The following ZMAT4 variants were observed in gnomAD, a reference collection of about 807,000 sequenced individuals.
The protein encoded by ZMAT4 is zinc finger matrin-type protein 4.
A neutral mutation model predicts 28.7 loss-of-function variants in ZMAT4; 17 were observed. The ratio of observed to expected loss-of-function variants is 0.59; its 90% CI spans 0.41 to 0.89. The LOEUF (loss-of-function observed/expected upper bound fraction) is 0.89. ZMAT4 is among the 40% of genes least tolerant of loss of function. The pLI is 0.00. For missense variants in ZMAT4, 240 were observed against 283.8 expected, an observed-to-expected ratio of 0.85 and a Z score of 1.11; for synonymous variants, 117 against 109.2, an observed-to-expected ratio of 1.07 and a Z score of -0.44.
intron 6 of ZMAT4, among the ~76,000 whole-genome samples, chr8:40,565,533 C>G (rs149885156): frequency 6.6e-6 from 1 of 151,674 alleles, no homozygotes; most frequent in African/African-American, 2.4e-5. Flanking sequence ...TCCGCCACCA[C>G]GCCCAGCTAA....
intron 3 of ZMAT4, among the ~76,000 whole-genome samples, chr8:40,723,287 A>T (rs1216200235): frequency 1.3e-5 from 2 of 152,144 alleles, no homozygotes; most frequent in Non-Finnish European, 2.9e-5. Flanking sequence ...TCACGCCTGT[A>T]ATCCCAACAC....
chr8:40,767,117 T>C (rs565709636), intron 3 of ZMAT4, among the ~76,000 whole-genome samples: 1 of 152,290 alleles, frequency 6.6e-6, no homozygotes, highest in Non-Finnish European at 1.5e-5. Context: ...CAAAGCGACT[T>C]TATAATTGTC....
chr8:40,833,672 C>G (rs1220741487), intron 1 of ZMAT4, among the ~76,000 whole-genome samples: 2 of 152,074 alleles, frequency 1.3e-5, no homozygotes, highest in African/African-American at 2.4e-5. Context: ...ACCACCGGCT[C>G]CAGCACACAC....
chr8:40,703,667 C>CA (rs567818697), intron 3 of ZMAT4, among the ~76,000 whole-genome samples: 2 of 152,154 alleles, frequency 1.3e-5, no homozygotes, highest in African/African-American at 4.8e-5. Context: ...GTAGATCTGG[C>CA]AGTCACACGG....
rs79463365 is a variant in ZMAT4 at position 40,747,315 on chromosome 8, C to A, written c.192+20326G>T. On this transcript the variant is annotated intron_variant, in intron 3 of 6. Transcript: ENST00000297737. ...AGGAGGAAATAATGCAGGGAAGTTACATGACTCGCCCATGATCTCCCAGCC... is the reference window on the plus strand; with the variant it reads ...AGGAGGAAATAATGCAGGGAAGTTAAATGACTCGCCCATGATCTCCCAGCC... Among the ~76,000 whole-genome samples the A allele has an allele frequency of 1.7e-3, 256 of 152,238 alleles. 1 individual carries two copies. Among genetic ancestry groups the A allele is most frequent in the African/African-American group, 5.9e-3 (244 of 41,540 alleles).
At chr8:40,722,092 G>A (rs10093489) in intron 3 of ZMAT4, among the ~76,000 whole-genome samples, 41,693 of 150,856 alleles carry the variant, frequency 0.28, 6,708 homozygotes, top group East Asian at 0.55. Context: ...CCTAGGCATT[G>A]CCATTCAGGA....
intron 6 of ZMAT4, among the ~76,000 whole-genome samples, chr8:40,553,404 C>T (rs1242444475): frequency 6.6e-6 from 1 of 152,136 alleles, no homozygotes; most frequent in Non-Finnish European, 1.5e-5. Flanking sequence ...TTTTGAAGTT[C>T]ATTAAAAGTA....
intron 2 of ZMAT4, among the ~76,000 whole-genome samples, chr8:40,820,180 GT>G (rs1815699275): frequency 7.3e-5 from 11 of 151,670 alleles, no homozygotes; most frequent in African/African-American, 1.5e-4. Context: ...GTGTGTGTGT[GT>G]GTGTGGGCGG....
chr8:40,889,123 T>C (rs906856156), intron 1 of ZMAT4, among the ~76,000 whole-genome samples: 2 of 152,212 alleles, frequency 1.3e-5, no homozygotes, highest in East Asian at 1.9e-4. Flanking sequence ...ATATATGTGA[T>C]GCACCCCTTG....
At chr8:40,828,423 A>G (rs956457660) in intron 1 of ZMAT4, among the ~76,000 whole-genome samples, 2 of 152,164 alleles carry the variant, frequency 1.3e-5, no homozygotes, top group African/African-American at 2.4e-5. Context: ...TATACAACCA[A>G]CTGCAAAAAT....
intron 3 of ZMAT4, among the ~76,000 whole-genome samples, chr8:40,711,141 G>A (rs768114631): frequency 4.6e-5 from 7 of 152,092 alleles, no homozygotes; most frequent in Non-Finnish European, 8.8e-5. Flanking sequence ...CTAAAAACCT[G>A]TTTGTTCACC....
Position 40,740,992 on chromosome 8 carries a change from GCACACACA to G in ZMAT4, c.192+26641_192+26648del, listed in dbSNP as rs5891118. 3.2e-3 allele frequency among the ~76,000 whole-genome samples: 481 copies of G among 148,580 alleles called. 11 individuals are homozygous for G. The East Asian group carries it at 0.068, about 21-fold the overall frequency. ...AACAGCACTAACCTTTGATAAATGCGCACACACACACACACACACACACACACACGCAC... is the reference window on the plus strand; with the variant it reads ...AACAGCACTAACCTTTGATAAATGCGCACACACACACACACACACACGCAC... On this transcript the variant is annotated intron_variant, in intron 3 of 6. Coordinates refer to ENST00000297737, the MANE Select transcript of ZMAT4 (RefSeq NM_024645.3).
At chr8:40,841,816 C>A (rs1380503201) in intron 1 of ZMAT4, among the ~76,000 whole-genome samples, 1 of 152,188 alleles carries the variant, frequency 6.6e-6, no homozygotes, top group Non-Finnish European at 1.5e-5. Context: ...CCCAGTAGAA[C>A]TCCCTGTTTC....
chr8:40,753,878 A>G (rs1422944584), intron 3 of ZMAT4, among the ~76,000 whole-genome samples: 1 of 152,198 alleles, frequency 6.6e-6, no homozygotes, highest in Non-Finnish European at 1.5e-5. Context: ...AGTATTTAGC[A>G]TAGGGCCTGA....
chr8:40,832,699 T>A (rs559683503), intron 1 of ZMAT4, among the ~76,000 whole-genome samples: 1 of 152,330 alleles, frequency 6.6e-6, no homozygotes, highest in East Asian at 1.9e-4. Context: ...CCAATTAAGA[T>A]GAACTATGAC....
chr8:40,743,748 G>T (rs1225517799), intron 3 of ZMAT4, among the ~76,000 whole-genome samples: 1 of 152,172 alleles, frequency 6.6e-6, no homozygotes, highest in Non-Finnish European at 1.5e-5. Context: ...CACAGATCAT[G>T]GTGGTCATGG....
At chr8:40,684,507 C>G (rs557719162) in intron 4 of ZMAT4, among the ~76,000 whole-genome samples, 19 of 152,324 alleles carry the variant, frequency 1.2e-4, no homozygotes, top group Non-Finnish European at 2.1e-4. Flanking sequence ...GACTGGTGCA[C>G]TGACACCTGG....
intron 3 of ZMAT4, among the ~76,000 whole-genome samples, chr8:40,721,730 T>G (rs1408471650): frequency 6.6e-6 from 1 of 151,944 alleles, no homozygotes; most frequent in African/African-American, 2.4e-5. Flanking sequence ...TGATGGCCAG[T>G]GATGATGAGC....
intron 3 of ZMAT4, among the ~76,000 whole-genome samples, chr8:40,706,199 T>C (rs899534073): frequency 6.6e-6 from 1 of 152,046 alleles, no homozygotes; most frequent in African/African-American, 2.4e-5. Context: ...ACTACAGAAA[T>C]GTACCACCAT....
Sources: allele counts gnomAD v4.1 joint callset (sites outside exome capture counted in the v4.1 genomes callset), GRCh38; gene constraint gnomAD v4.1.1; transcripts MANE v1.5; gene names NCBI Gene and HGNC (gene_info 2026-07-23, HGNC 2026-07-21).